The following ABCA4 variants were observed in gnomAD, a reference collection of about 807,000 sequenced individuals.
The protein encoded by ABCA4 is ATP binding cassette subfamily A member 4.
Under a neutral mutation model 263.7 loss-of-function variants are expected in ABCA4, and 196 were observed. The ratio of observed to expected loss-of-function variants is 0.74; its 90% CI spans 0.66 to 0.84. ABCA4 has a LOEUF of 0.84. ABCA4 is among the 40% of genes least tolerant of loss of function. The pLI is 0.00. For synonymous variants in ABCA4, 1,133 were observed against 1,094.2 expected (o/e 1.04, Z -0.70); for missense variants, 2,792 against 2,855.1 (o/e 0.98, Z 0.50).
At chr1:94,002,071 C>T (rs1659204405) in intron 44 of ABCA4, 79 bp from the exon 45 acceptor site, 1 of 1,601,322 alleles carries the variant, frequency 6.2e-7, no homozygotes, top group South Asian at 1.1e-5. Context: ...CCTTGGGCTC[C>T]CAGATCTCAC....
chr1:94,043,091 C>T (rs547955727), intron 21 of ABCA4, among the ~76,000 whole-genome samples, 193 bp from the exon 22 acceptor site: 53 of 152,322 alleles, frequency 3.5e-4, no homozygotes, highest in South Asian at 4.1e-4. Flanking sequence ...CTCACCTCCT[C>T]GGATCAGACC....
chr1:94,021,588 C>T, intron 34 of ABCA4, 52 bp downstream of exon 34: 2 of 1,538,428 alleles, frequency 1.3e-6, no homozygotes, highest in Non-Finnish European at 1.8e-6. Context: ...AATAAAATAA[C>T]CAGCTCAGGT....
At chr1:94,025,709 G>T (rs2101028557) in intron 30 of ABCA4, 1 of 161,968 alleles carries the variant, frequency 6.2e-6, no homozygotes, top group Non-Finnish European at 1.4e-5. Flanking sequence ...AATGTTCCTG[G>T]TTCCAGTCAC....
At chr1:94,013,539 G>A (rs779231260) in intron 38 of ABCA4, among the ~76,000 whole-genome samples, 4 of 152,206 alleles carry the variant, frequency 2.6e-5, no homozygotes, top group Admixed American at 6.5e-5. Flanking sequence ...ACACAGGCAC[G>A]TGGTGAGGCA....
At chr1:94,007,817 G>T in intron 42 of ABCA4, 77 bp from the exon 43 acceptor site, 1 of 1,368,306 alleles carries the variant, frequency 7.3e-7, no homozygotes, top group Middle Eastern at 2.0e-4. Context: ...GTAAGTGTGT[G>T]TGTGAGCTGG....
At chr1:94,078,542 C>A in intron 10 of ABCA4, 48 bp downstream of exon 10, 2 of 1,171,032 alleles carry the variant, frequency 1.7e-6, no homozygotes, top group East Asian at 2.6e-5. Flanking sequence ...TTTCTTGCCC[C>A]CACCGCTTCC....
chr1:93,998,736 T>TATTTG (rs1571240650), intron 47 of ABCA4, among the ~76,000 whole-genome samples: 2 of 148,698 alleles, frequency 1.3e-5, no homozygotes, highest in East Asian at 3.9e-4. Flanking sequence ...TATTTTATTT[T>TATTTG]ATTTTATTTT....
At chr1:94,038,014 G>A (rs1660389410) in intron 24 of ABCA4, among the ~76,000 whole-genome samples, 1 of 152,170 alleles carries the variant, frequency 6.6e-6, no homozygotes, top group Non-Finnish European at 1.5e-5. Flanking sequence ...TGAGTGAGAA[G>A]TACCTTCCCT....
intron 16 of ABCA4, among the ~76,000 whole-genome samples, chr1:94,053,590 T>TGGCCATGTAAGACAGGCAGAA (rs1660896937): frequency 6.6e-6 from 1 of 152,194 alleles, no homozygotes; most frequent in Non-Finnish European, 1.5e-5. Context: ...CCTTATAAGA[T>TGGCCATGTAAGACAGGCAGAA]GGCCATGTAA....
intron 4 of ABCA4, 45 bp downstream of exon 4, chr1:94,108,532 A>G (rs1383557894): frequency 1.2e-6 from 2 of 1,611,456 alleles, no homozygotes; most frequent in Non-Finnish European, 1.7e-6. Flanking sequence ...CAGTCTCTCC[A>G]TAGGTGAGGG....
intron 26 of ABCA4, among the ~76,000 whole-genome samples, chr1:94,033,643 C>A (rs78655215): frequency 0.018 from 2,790 of 152,230 alleles, 94 homozygotes; most frequent in African/African-American, 0.063. Flanking sequence ...GCTTTCTTAA[C>A]CCTCCTCAAG....
chr1:94,067,154 T>C (rs1661288289), intron 11 of ABCA4, among the ~76,000 whole-genome samples: 1 of 152,186 alleles, frequency 6.6e-6, no homozygotes, highest in South Asian at 2.1e-4. Context: ...TAGAATCACA[T>C]GATAAACTAG....
In ABCA4 at chr1:94,095,576, T is replaced by C. The variant is rs1662103190; in HGVS notation, c.768+3218A>G. On this transcript the variant is annotated intron_variant, in intron 6 of 49. Coordinates refer to ENST00000370225, the MANE Select transcript of ABCA4 (RefSeq NM_000350.3). ...AACAGCCGCGTCCCAGCGGGGCCCC[T>C]TCCCTGGCCCCGGAGCAACCCCTGC... Among the ~76,000 whole-genome samples, 3 of 152,164 alleles carry C rather than the reference T, an allele frequency of 2.0e-5. No individual in the cohort carries two copies. The South Asian group carries it at 6.2e-4, about 32-fold the overall frequency.
At chr1:94,087,470 G>A (rs902699171) in intron 6 of ABCA4, among the ~76,000 whole-genome samples, 13 of 152,220 alleles carry the variant, frequency 8.5e-5, no homozygotes, top group Non-Finnish European at 1.8e-4. Flanking sequence ...AAGACACCAG[G>A]AGAAGTCATA....
chr1:94,061,830 G>A lies in ABCA4; in HGVS notation c.1937+747C>T, dbSNP rs551648957. ...CTGAGGCTGGAAAACCCATTGGACA[G>A]TTATTAAAAGAGGGTTTCCTGTGTC... On this transcript the variant is annotated intron_variant, in intron 13 of 49. Transcript: ENST00000370225. 2.6e-5 allele frequency among the ~76,000 whole-genome samples: 4 copies of A among 152,364 alleles called. No homozygotes were observed. In the East Asian group the frequency reaches 7.7e-4, roughly 29 times the overall value.
At chr1:94,071,205 A>G (rs1332654505) in intron 11 of ABCA4, among the ~76,000 whole-genome samples, 1 of 152,232 alleles carries the variant, frequency 6.6e-6, no homozygotes, top group Non-Finnish European at 1.5e-5. Flanking sequence ...TATCTCTCCA[A>G]TGTGAGCTTC....
chr1:94,001,989 C>A lies in ABCA4; in HGVS notation c.6151G>T (p.Ala2051Ser). Reference protein sequence around the residue: ...GVPAEEIEKVANWSIKSLGLT... With the variant: ...GVPAEEIEKVSNWSIKSLGLT... Reference sequence around the variant, plus strand: ...CCCAGGCTCTTAATACTCCAGTTTGCAACCTAGGGAAGAGAAAGAAATGCC... The same window carrying A: ...CCCAGGCTCTTAATACTCCAGTTTGAAACCTAGGGAAGAGAAAGAAATGCC... Residue 2051 changes from alanine (A) to serine (S), a missense_variant, in exon 45 of 50, where the codon GCA becomes TCA. By Grantham distance (99) the Ala-to-Ser change is moderately conservative. Coordinates refer to ENST00000370225, the MANE Select transcript of ABCA4 (RefSeq NM_000350.3). The A allele has an allele frequency of 6.2e-7, 1 of 1,614,162 alleles. No homozygotes were observed. The highest frequency in any genetic ancestry group is 8.5e-7 in the Non-Finnish European group (1 of 1,180,024).
At chr1:94,111,636 C>G in intron 2 of ABCA4, 57 bp from the exon 3 acceptor site, 1 of 1,606,488 alleles carries the variant, frequency 6.2e-7, no homozygotes, top group South Asian at 1.1e-5. Flanking sequence ...AAGCAGGATG[C>G]AGACCTAGGA....
chr1:94,034,722 T>A (rs1211742571), intron 26 of ABCA4, among the ~76,000 whole-genome samples: 1 of 151,688 alleles, frequency 6.6e-6, no homozygotes, highest in Non-Finnish European at 1.5e-5. Flanking sequence ...CCAACCTCTG[T>A]GAGCTCAGTT....
Sources: gnomAD v4.1 joint callset for allele counts (sites outside exome capture counted in the v4.1 genomes callset) on GRCh38, gnomAD v4.1.1 for gene constraint, MANE v1.5 for transcripts, NCBI Gene and HGNC (gene_info 2026-07-23, HGNC 2026-07-21) for gene names.